Variants in SRRM4 observed in about 807,000 individuals in gnomAD.
SRRM4 encodes serine/arginine repetitive matrix 4.
Under a neutral mutation model 68.9 loss-of-function variants are expected in SRRM4, and 33 were observed. That is an observed-to-expected ratio of 0.48 (90% CI 0.36 to 0.64). The LOEUF (loss-of-function observed/expected upper bound fraction) is 0.64. SRRM4 is among the 30% of genes least tolerant of loss of function. SRRM4 has a pLI of 0.00. For synonymous variants in SRRM4, 318 were observed against 318.8 expected (o/e 1.00, Z 0.03); for missense variants, 817 against 827.1 (o/e 0.99, Z 0.15).
intron 1 of SRRM4, among the ~76,000 whole-genome samples, chr12:119,029,369 A>G (rs939834902): frequency 1.3e-5 from 2 of 152,226 alleles, no homozygotes; most frequent in African/African-American, 2.4e-5. Flanking sequence ...AACAGAGGAG[A>G]GAAGTTTTGT....
chr12:119,141,032 C>T (rs1056717754), intron 8 of SRRM4, among the ~76,000 whole-genome samples: 1 of 152,212 alleles, frequency 6.6e-6, no homozygotes, highest in African/African-American at 2.4e-5. Context: ...GCCTCCACCT[C>T]CCAGGTTCAA....
intron 1 of SRRM4, among the ~76,000 whole-genome samples, chr12:119,051,717 G>T (rs74772573): frequency 0.017 from 2,517 of 152,014 alleles, 62 homozygotes; most frequent in African/African-American, 0.055. Context: ...ACAAAGTCTG[G>T]TTTTTTTTGT....
At chr12:119,088,818 G>T (rs1426176920) in intron 1 of SRRM4, among the ~76,000 whole-genome samples, 1 of 152,182 alleles carries the variant, frequency 6.6e-6, no homozygotes, top group Non-Finnish European at 1.5e-5. Flanking sequence ...AGCCAGAGAG[G>T]TTGGAAGACT....
chr12:119,101,704 TA>T (rs1466982960), intron 1 of SRRM4, among the ~76,000 whole-genome samples: 9 of 152,050 alleles, frequency 5.9e-5, no homozygotes, highest in African/African-American at 2.2e-4. Flanking sequence ...AATCTACATA[TA>T]GGTAGTCCAT....
At chr12:119,076,314 C>A (rs887888736) in intron 1 of SRRM4, among the ~76,000 whole-genome samples, 2 of 130,930 alleles carry the variant, frequency 1.5e-5, no homozygotes, top group Admixed American at 8.2e-5. Context: ...TATTGTTATA[C>A]CCACTTTACA....
chr12:119,108,099 T>G (rs889817600), intron 2 of SRRM4, among the ~76,000 whole-genome samples: 1 of 152,250 alleles, frequency 6.6e-6, no homozygotes, highest in Non-Finnish European at 1.5e-5. Flanking sequence ...GAGCAGGTTG[T>G]TCAGTTTCCA....
intron 1 of SRRM4, among the ~76,000 whole-genome samples, chr12:119,055,192 G>A (rs1050733671): frequency 1.2e-4 from 18 of 152,012 alleles, no homozygotes; most frequent in African/African-American, 4.3e-4. Context: ...AAGATTTATG[G>A]GCTACACAGG....
chr12:119,148,608 C>A (rs1378412974), intron 9 of SRRM4, among the ~76,000 whole-genome samples: 2 of 152,188 alleles, frequency 1.3e-5, no homozygotes, highest in East Asian at 3.8e-4. Context: ...CTATTTGTAA[C>A]CCTTTTTTAC....
chr12:119,106,537 T>C (rs915992094), intron 2 of SRRM4, among the ~76,000 whole-genome samples: 1 of 152,198 alleles, frequency 6.6e-6, no homozygotes, highest in Non-Finnish European at 1.5e-5. Context: ...CCCTTGTAAG[T>C]TGGATTCCTA....
At position 118,981,671 on chromosome 12, in the gene SRRM4, G is replaced by A; in HGVS notation, c.-212G>A. 1 of 571,948 alleles carries A rather than the reference G, an allele frequency of 1.7e-6. No individual in the cohort carries two copies. The highest frequency in any genetic ancestry group is 4.7e-4 in the Middle Eastern group (1 of 2,106). The allele number at this position is 571,948 out of a possible 1,614,324, so 35.4% of individuals were successfully genotyped here. A position where few individuals can be genotyped will look rare whatever the true frequency, so the allele number is the denominator to read the frequency against. On this transcript the variant is annotated 5_prime_UTR_variant, in exon 1 of 13. Coordinates refer to ENST00000267260, the MANE Select transcript of SRRM4 (RefSeq NM_194286.4). The stretch of plus-strand genomic sequence containing the variant: ...GCGCAGCCTGGAGCCGACCCAGAAG[G>A]GCGAAGAAAGCCCAGCGGACGAGCC...
chr12:119,142,111 G>A (rs1456626621), intron 8 of SRRM4, among the ~76,000 whole-genome samples: 1 of 152,198 alleles, frequency 6.6e-6, no homozygotes. Flanking sequence ...GGCTGTGGGG[G>A]CCAGGGTGGG....
intron 1 of SRRM4, among the ~76,000 whole-genome samples, chr12:119,032,927 T>C (rs1024026960): frequency 6.6e-6 from 1 of 152,196 alleles, no homozygotes; most frequent in African/African-American, 2.4e-5. Flanking sequence ...AAAGTTATAA[T>C]AGTCCCATAA....
chr12:119,045,166 C>G (rs995181587), intron 1 of SRRM4, among the ~76,000 whole-genome samples: 1 of 152,194 alleles, frequency 6.6e-6, no homozygotes, highest in Non-Finnish European at 1.5e-5. Context: ...CACCCACAGT[C>G]ACATGCAGTT....
chr12:119,018,522 G>C (rs1018909700), intron 1 of SRRM4, among the ~76,000 whole-genome samples: 2 of 151,988 alleles, frequency 1.3e-5, no homozygotes, highest in Non-Finnish European at 2.9e-5. Flanking sequence ...GAATTTTTTT[G>C]TTAGTCATTG....
intron 1 of SRRM4, among the ~76,000 whole-genome samples, chr12:119,083,032 G>A (rs1180024193): frequency 6.6e-6 from 1 of 152,186 alleles, no homozygotes; most frequent in East Asian, 1.9e-4. Flanking sequence ...GAAGTCTGGT[G>A]TTTCCTTCAA....
intron 1 of SRRM4, among the ~76,000 whole-genome samples, chr12:119,025,300 G>T (rs536589867): frequency 1.9e-4 from 29 of 152,106 alleles, no homozygotes; most frequent in African/African-American, 7.0e-4. Context: ...AGGGGGGCTG[G>T]AATATATGGT....
At chr12:119,018,986 T>C (rs1953497992) in intron 1 of SRRM4, among the ~76,000 whole-genome samples, 1 of 152,100 alleles carries the variant, frequency 6.6e-6, no homozygotes, top group Non-Finnish European at 1.5e-5. Context: ...TTAATGAAGC[T>C]CAAGTGAAAA....
chr12:119,054,215 T>A (rs1410311152), intron 1 of SRRM4, among the ~76,000 whole-genome samples: 1 of 152,242 alleles, frequency 6.6e-6, no homozygotes, highest in African/African-American at 2.4e-5. Context: ...AATGATGGGA[T>A]CTCATTCTTT....
intron 1 of SRRM4, among the ~76,000 whole-genome samples, chr12:119,085,003 C>A (rs1020828282): frequency 6.6e-6 from 1 of 152,166 alleles, no homozygotes; most frequent in East Asian, 1.9e-4. Context: ...TGGGTTCAAG[C>A]GATTCTCCTG....
Sources: gnomAD v4.1 joint callset for allele counts (sites outside exome capture counted in the v4.1 genomes callset) on GRCh38, gnomAD v4.1.1 for gene constraint, MANE v1.5 for transcripts, NCBI Gene and HGNC (gene_info 2026-07-23, HGNC 2026-07-21) for gene names.